The following RAB2A variants were observed in gnomAD, a reference collection of about 807,000 sequenced individuals.
The protein encoded by RAB2A is ras-related protein Rab-2A.
In RAB2A, 7 loss-of-function variants were observed where a neutral mutation model predicts 32.5. The ratio of observed to expected loss-of-function variants is 0.22; its 90% CI spans 0.12 to 0.40. RAB2A has a LOEUF of 0.40. RAB2A is among the 10% of genes least tolerant of loss of function. RAB2A has a pLI of 1.00. For synonymous variants in RAB2A, 79 were observed against 85.2 expected, an observed-to-expected ratio of 0.93 and a Z score of 0.40; for missense variants, 108 against 260.7, an observed-to-expected ratio of 0.41 and a Z score of 4.03.
At chr8:60,525,971 CTA>C (rs1586060685) in intron 1 of RAB2A, among the ~76,000 whole-genome samples, 3 of 122,486 alleles carry the variant, frequency 2.4e-5, no homozygotes, top group South Asian at 5.1e-4. Flanking sequence ...ATATATATGT[CTA>C]TATGTCTATA....
At position 60,526,020 on chromosome 8, in the gene RAB2A, CATATATATATATATATATATATAT is replaced by C. The variant is rs146162692; in HGVS notation, c.46+8781_46+8804del. 4.7e-3 allele frequency among the ~76,000 whole-genome samples: 434 copies of C among 92,346 alleles called. 5 individuals are homozygous for C. The highest frequency in any genetic ancestry group is 0.011 in the Admixed American group (89 of 8,176). 60.6% of individuals were successfully genotyped at this position (92,346 alleles called of 152,430 possible). On this transcript the variant is annotated intron_variant, in intron 1 of 7. Transcript: ENST00000262646. ...CTATATGTATATATGTGTGTGTGTA[CATATATATATATATATATATATAT>C]ATATATATATATAAGTTTTCTGTTG... is the stretch of plus-strand genomic sequence containing the variant.
chr8:60,549,038 G>A (rs1343249237), intron 1 of RAB2A, among the ~76,000 whole-genome samples: 53 of 150,126 alleles, frequency 3.5e-4, no homozygotes, highest in African/African-American at 1.2e-3. Context: ...CATCTCAGAC[G>A]ATGGGCGGCC....
rs1211369523 is a variant in RAB2A, at chr8:60,517,049, G to C, written c.-159G>C. On this transcript the variant is annotated 5_prime_UTR_variant, in exon 1 of 8. Coordinates refer to ENST00000262646, the MANE Select transcript of RAB2A (RefSeq NM_002865.3). ...GGCTCTGCGGGTGTCAGTTCGTCCG[G>C]CTTCCTCACAGCCCCTCACTCCCGG... is the stretch of plus-strand genomic sequence containing the variant. The C allele has an allele frequency of 6.3e-6, 4 of 639,202 alleles. No homozygotes were observed. The African/African-American group carries it at 7.8e-5, about 12-fold the overall frequency. The allele number at this position is 639,202 out of a possible 1,614,324, so 39.6% of individuals were successfully genotyped here.
intron 6 of RAB2A, among the ~76,000 whole-genome samples, chr8:60,595,212 CT>C (rs1431457971): frequency 6.6e-6 from 1 of 152,128 alleles, no homozygotes; most frequent in East Asian, 1.9e-4. Flanking sequence ...ATATGATAGA[CT>C]TTTTTCTTCA....
At chr8:60,594,396 G>A (rs10957149) in intron 6 of RAB2A, among the ~76,000 whole-genome samples, 36,076 of 152,068 alleles carry the variant, frequency 0.24, 4,337 homozygotes, top group Middle Eastern at 0.39. Context: ...AGCACCCTAC[G>A]TATAGGGGAA....
chr8:60,525,088 G>A (rs1807358560), intron 1 of RAB2A, among the ~76,000 whole-genome samples: 1 of 152,092 alleles, frequency 6.6e-6, no homozygotes, highest in Non-Finnish European at 1.5e-5. Context: ...GTGTCATTTG[G>A]GGCAAATTAT....
intron 1 of RAB2A, among the ~76,000 whole-genome samples, chr8:60,525,979 C>CTATATGTATATATGTCTATATGTA (rs1215945566): frequency 8.6e-6 from 1 of 116,262 alleles, no homozygotes; most frequent in Non-Finnish European, 1.8e-5. Flanking sequence ...GTCTATATGT[C>CTATATGTATATATGTCTATATGTA]TATATGTATA....
At chr8:60,557,895 C>G (rs1807963059) in intron 1 of RAB2A, among the ~76,000 whole-genome samples, 2 of 152,152 alleles carry the variant, frequency 1.3e-5, no homozygotes, top group Admixed American at 1.3e-4. Flanking sequence ...ATTCTATTTT[C>G]TTTCAAATCA....
chr8:60,600,977 T>C (rs1429204732), intron 6 of RAB2A, among the ~76,000 whole-genome samples: 1 of 152,234 alleles, frequency 6.6e-6, no homozygotes, highest in Non-Finnish European at 1.5e-5. Context: ...TACACCTGCA[T>C]GTGAATCTGT....
chr8:60,582,911 G>C (rs1397163738), intron 3 of RAB2A, among the ~76,000 whole-genome samples: 2 of 152,130 alleles, frequency 1.3e-5, no homozygotes, highest in Non-Finnish European at 2.9e-5. Context: ...GCCTCCCAAA[G>C]TGCTGGGATT....
chr8:60,616,455 T>G (rs1364480407), intron 6 of RAB2A, among the ~76,000 whole-genome samples: 1 of 152,254 alleles, frequency 6.6e-6, no homozygotes, highest in Non-Finnish European at 1.5e-5. Context: ...ATGTATCTGT[T>G]GACTTCAATA....
At chr8:60,522,516 T>C (rs544925388) in intron 1 of RAB2A, among the ~76,000 whole-genome samples, 64 of 152,344 alleles carry the variant, frequency 4.2e-4, no homozygotes, top group African/African-American at 1.3e-3. Flanking sequence ...CCTCCTACTT[T>C]CTTTTTTAAA....
intron 3 of RAB2A, 32 bp from the exon 4 acceptor site, chr8:60,584,176 A>C: frequency 6.6e-7 from 1 of 1,508,540 alleles, no homozygotes; most frequent in Non-Finnish European, 9.2e-7. Flanking sequence ...ATTGTATTAA[A>C]GGAAACTCTC....
intron 1 of RAB2A, among the ~76,000 whole-genome samples, chr8:60,539,059 A>G (rs978796378): frequency 3.3e-5 from 5 of 152,148 alleles, no homozygotes; most frequent in Non-Finnish European, 7.3e-5. Flanking sequence ...GATGTAGGCT[A>G]GAGTTGTTTG....
intron 2 of RAB2A, among the ~76,000 whole-genome samples, chr8:60,568,317 A>G (rs1053417057): frequency 1.3e-5 from 2 of 152,158 alleles, no homozygotes; most frequent in South Asian, 2.1e-4. Flanking sequence ...GCCTCTGCAC[A>G]TATCTGTACC....
chr8:60,620,706 T>C lies in RAB2A; in HGVS notation c.576T>C (p.Ala192=). The change falls in exon 8 of 8, where the codon GCT becomes GCC. Residue 192 remains alanine, a synonymous_variant. Transcript: ENST00000262646. Reference sequence around the variant, plus strand: ...GCATTAAAATTGGCCCTCAGCATGCTGCTACCAATGCAACACATGCAGGCA... The same window carrying C: ...GCATTAAAATTGGCCCTCAGCATGCCGCTACCAATGCAACACATGCAGGCA... ...ANGIKIGPQH[A]ATNATHAGNQ... 6.2e-7 allele frequency: 1 copy of C among 1,613,932 alleles called. No individual in the cohort carries two copies.
chr8:60,552,001 G>GTTTTTTGTTTTTTT (rs1554553375), intron 1 of RAB2A: 3 of 109,752 alleles, frequency 2.7e-5, no homozygotes, highest in Non-Finnish European at 5.5e-5. Flanking sequence ...GTAGCTGGGA[G>GTTTTTTGTTTTTTT]TTTTTTTTTT....
intron 1 of RAB2A, among the ~76,000 whole-genome samples, chr8:60,530,784 T>A (rs904893555): frequency 6.6e-6 from 1 of 152,066 alleles, no homozygotes. Flanking sequence ...AAGATCAAGG[T>A]GTAGATCACA....
intron 1 of RAB2A, among the ~76,000 whole-genome samples, chr8:60,537,069 G>C (rs528333862): frequency 4.6e-5 from 7 of 152,234 alleles, no homozygotes; most frequent in Non-Finnish European, 1.0e-4. Flanking sequence ...ATATGAGTTG[G>C]ATTAGACACT....
Sources: gnomAD v4.1 joint callset for allele counts (sites outside exome capture counted in the v4.1 genomes callset) on GRCh38, gnomAD v4.1.1 for gene constraint, MANE v1.5 for transcripts, NCBI Gene and HGNC (gene_info 2026-07-23, HGNC 2026-07-21) for gene names.